The following PRELID2 variants were observed in gnomAD, a reference collection of about 807,000 sequenced individuals.
PRELID2 encodes the protein PRELI domain-containing protein 2.
A neutral mutation model predicts 28.4 loss-of-function variants in PRELID2; 25 were observed. The ratio of observed to expected loss-of-function variants is 0.88; its 90% CI spans 0.64 to 1.23. The LOEUF (loss-of-function observed/expected upper bound fraction) is 1.23. Among genes scored for constraint, PRELID2 ranks in the 50% most tolerant of loss-of-function variants. The pLI is 0.00. For missense variants in PRELID2, 201 were observed against 214.4 expected (o/e 0.94, Z 0.39); for synonymous variants, 76 against 71.6 (o/e 1.06, Z -0.31).
At chr5:145,531,784 GC>G (rs1360679824) in intron 1 of PRELID2, among the ~76,000 whole-genome samples, 1 of 152,068 alleles carries the variant, frequency 6.6e-6, no homozygotes, top group Non-Finnish European at 1.5e-5. Flanking sequence ...GTAAATACCT[GC>G]CCCAACCTGC....
At chr5:145,583,954 G>A (rs1753129876) in intron 1 of PRELID2, among the ~76,000 whole-genome samples, 1 of 151,852 alleles carries the variant, frequency 6.6e-6, no homozygotes. Context: ...AATTCATCTG[G>A]AACCAAAAAA....
At chr5:145,676,220 C>CG (rs1554082896) in intron 1 of PRELID2, among the ~76,000 whole-genome samples, 110 of 53,620 alleles carry the variant, frequency 2.1e-3, no homozygotes, top group African/African-American at 6.5e-3. Flanking sequence ...AACTCCATCT[C>CG]AAAAAAAAAA....
intron 1 of PRELID2, among the ~76,000 whole-genome samples, chr5:145,623,688 C>A (rs1452018408): frequency 6.6e-6 from 1 of 152,114 alleles, no homozygotes. Flanking sequence ...CCTTGTGGAT[C>A]ATCGTGGAAA....
At chr5:145,658,844 G>C (rs919209602) in intron 1 of PRELID2, among the ~76,000 whole-genome samples, 2 of 152,176 alleles carry the variant, frequency 1.3e-5, no homozygotes, top group Non-Finnish European at 1.5e-5. Flanking sequence ...AAGCTAGATA[G>C]TTACAGAGTA....
At chr5:145,577,077 A>C (rs1561509374) in intron 1 of PRELID2, among the ~76,000 whole-genome samples, 1 of 152,122 alleles carries the variant, frequency 6.6e-6, no homozygotes, top group Non-Finnish European at 1.5e-5. Context: ...GCCAGCCTTC[A>C]CAGAATCTCT....
chr5:145,619,249 A>G (rs1028034864), intron 1 of PRELID2, among the ~76,000 whole-genome samples: 17 of 152,182 alleles, frequency 1.1e-4, no homozygotes, highest in African/African-American at 3.4e-4. Context: ...AAAAGCTACA[A>G]GACTCAGCTG....
At chr5:145,830,364 T>G (rs930874021) in intron 1 of PRELID2, among the ~76,000 whole-genome samples, 1 of 152,230 alleles carries the variant, frequency 6.6e-6, no homozygotes, top group South Asian at 2.1e-4. Flanking sequence ...AATAGCTCTC[T>G]GGATCCTTTT....
intron 4 of PRELID2, among the ~76,000 whole-genome samples, chr5:145,810,288 C>T (rs1444489440): frequency 1.3e-5 from 2 of 152,188 alleles, no homozygotes; most frequent in Non-Finnish European, 2.9e-5. Flanking sequence ...AGAGCATGAG[C>T]ATGGCATCTC....
rs70998038 is a variant in PRELID2, at chr5:145,821,152, GGTGTGTGTGTGT to G, written c.134-1146_134-1135del. ...ACCTGATGGTCATCCAACTCTCCTG[GGTGTGTGTGTGT>G]GTGTGTGTGTGTGTGTGTAAGTCCT... On this transcript the variant is annotated intron_variant, in intron 2 of 6. Coordinates refer to ENST00000683046, the MANE Select transcript of PRELID2 (RefSeq NM_205846.3). Among the ~76,000 whole-genome samples the G allele has an allele frequency of 5.0e-4, 44 of 88,260 alleles. 1 individual carries two copies. In the Middle Eastern group the frequency reaches 0.021, roughly 42 times the overall value. The allele number at this position is 88,260 out of a possible 152,430, so 57.9% of individuals were successfully genotyped here.
chr5:145,305,604 A>T, the PRELID2 span, among the ~76,000 whole-genome samples: 1 of 152,116 alleles, frequency 6.6e-6, no homozygotes, highest in Non-Finnish European at 1.5e-5. Context: ...GGAGGAAAGG[A>T]ATTTGTCTGT....
At chr5:145,375,154 A>G in the PRELID2 span, among the ~76,000 whole-genome samples, 28 of 152,006 alleles carry the variant, frequency 1.8e-4, no homozygotes, top group African/African-American at 6.8e-4. Context: ...TGACCCTTGA[A>G]TGCAGTTTTT....
At chr5:145,511,566 C>T (rs187209884) in intron 1 of PRELID2, among the ~76,000 whole-genome samples, 159 of 152,312 alleles carry the variant, frequency 1.0e-3, no homozygotes, top group Non-Finnish European at 1.7e-3. Flanking sequence ...AGATAGGCAG[C>T]TATGGCCATT....
intron 5 of PRELID2, among the ~76,000 whole-genome samples, chr5:145,768,499 C>CT (rs1757910606): frequency 6.6e-6 from 1 of 152,116 alleles, no homozygotes; most frequent in African/African-American, 2.4e-5. Flanking sequence ...CCTCACTTCA[C>CT]TTTTTTATTC....
At chr5:145,468,430 C>T (rs1382638620), downstream of PRELID2, among the ~76,000 whole-genome samples, 1 of 151,972 alleles carries the variant, frequency 6.6e-6, no homozygotes, top group Admixed American at 6.6e-5. Flanking sequence ...GGGTATATAC[C>T]CAGTAATTGG....
the PRELID2 span, among the ~76,000 whole-genome samples, chr5:145,312,284 G>A: frequency 9.9e-5 from 15 of 152,060 alleles, no homozygotes; most frequent in Non-Finnish European, 2.1e-4. Context: ...CCAGGAGGTC[G>A]AGGCTGCAGT....
the PRELID2 span, among the ~76,000 whole-genome samples, chr5:145,433,383 C>G: frequency 6.6e-6 from 1 of 152,100 alleles, no homozygotes; most frequent in Non-Finnish European, 1.5e-5. Context: ...TTTGCCAGAC[C>G]TGGGGCCTTG....
At position 145,583,855 on chromosome 5, in the gene PRELID2, C is replaced by G. The variant is rs967750604; in HGVS notation, n.71-110540G>C. 2.0e-5 allele frequency among the ~76,000 whole-genome samples: 3 copies of G among 152,068 alleles called. No individual in the cohort carries two copies. In the South Asian group the frequency reaches 6.2e-4, roughly 31 times the overall value. On this transcript the variant is annotated intron_variant and non_coding_transcript_variant, in intron 1 of 2. Transcript: ENST00000510259. ...AAAAGAATCAATATTGTGAAAATGG[C>G]CATACTGCTCAAAGTAATTTATAGA... is the stretch of plus-strand genomic sequence containing the variant.
chr5:145,370,141 A>G, the PRELID2 span, among the ~76,000 whole-genome samples: 5 of 151,948 alleles, frequency 3.3e-5, no homozygotes, highest in South Asian at 1.0e-3. Context: ...CCCATTTGTC[A>G]ATTTTGGGTT....
intron 1 of PRELID2, among the ~76,000 whole-genome samples, chr5:145,650,531 CATATATATATATATAT>C (rs56324486): frequency 3.9e-3 from 270 of 68,718 alleles, no homozygotes; most frequent in East Asian, 9.3e-3. Context: ...CACATATATA[CATATATATATATATAT>C]ATATATATAT....
Sources: gnomAD v4.1 joint callset for allele counts (sites outside exome capture counted in the v4.1 genomes callset) on GRCh38, gnomAD v4.1.1 for gene constraint, MANE v1.5 for transcripts, NCBI Gene and HGNC (gene_info 2026-07-23, HGNC 2026-07-21) for gene names.